CSMD3: variants seen among roughly 807,000 people sequenced by gnomAD.
The protein encoded by CSMD3 is CUB and sushi domain-containing protein 3.
A neutral mutation model predicts 435.2 loss-of-function variants in CSMD3; 177 were observed. The observed-to-expected ratio is 0.41, with a 90% CI of 0.36 to 0.46. CSMD3 has a LOEUF of 0.46. CSMD3 is among the 20% of genes least tolerant of loss of function. The probability of loss-of-function intolerance (pLI) is 0.34; values close to 1 mark genes in which losing one functional copy is unlikely to be tolerated. For missense variants in CSMD3, 4,265 were observed against 4,504.6 expected, an observed-to-expected ratio of 0.95 and a Z score of 1.52; for synonymous variants, 1,656 against 1,520.5, an observed-to-expected ratio of 1.09 and a Z score of -2.07.
At chr8:112,744,817 C>T (rs1444838209) in intron 13 of CSMD3, among the ~76,000 whole-genome samples, 1 of 152,022 alleles carries the variant, frequency 6.6e-6, no homozygotes, top group Non-Finnish European at 1.5e-5. Context: ...TAAGAGACAG[C>T]AATGGGCAAG....
intron 66 of CSMD3, 37 bp from the exon 67 acceptor site, chr8:112,237,385 C>T (rs778371516): frequency 1.4e-6 from 2 of 1,421,228 alleles, no homozygotes; most frequent in Non-Finnish European, 2.0e-6. Context: ...ATTAATTTTA[C>T]AATGCCATAT....
intron 3 of CSMD3, among the ~76,000 whole-genome samples, chr8:113,230,498 T>C (rs971986401): frequency 2.6e-5 from 4 of 151,624 alleles, no homozygotes; most frequent in African/African-American, 9.7e-5. Context: ...GTTTACATAC[T>C]TAGAGCCCAA....
intron 4 of CSMD3, among the ~76,000 whole-genome samples, chr8:113,164,261 AT>A (rs2092105379): frequency 6.6e-6 from 1 of 151,852 alleles, no homozygotes; most frequent in Admixed American, 6.6e-5. Context: ...CATATATCAT[AT>A]TTTTTGCTGC....
Position 112,685,470 on chromosome 8 carries a change from T to C in CSMD3, c.2418A>G (p.Ile806Met). The C allele has an allele frequency of 6.2e-7, 1 of 1,614,056 alleles. No individual in the cohort carries two copies. The highest frequency in any genetic ancestry group is 8.5e-7 in the Non-Finnish European group (1 of 1,179,974). Reference protein sequence around the residue: ...VPSHLTSNSHILRLEFQADHS... With the variant: ...VPSHLTSNSHMLRLEFQADHS... ...GGTCAGCCTGAAATTCCAATCGCAG[T>C]ATGTGACTATTACTAGTAAGATGGG... Residue 806 changes from isoleucine (I) to methionine (M), a missense_variant, in exon 15 of 71, where the codon ATA (isoleucine) becomes ATG (methionine). By Grantham distance (10) the Ile-to-Met change is conservative. Coordinates refer to ENST00000297405, the MANE Select transcript of CSMD3 (RefSeq NM_198123.2).
In CSMD3 at chr8:112,517,696, A is replaced by C. The variant is rs368201779; in HGVS notation, c.4565-471T>G. ...CTAACTAATAGAGAAATGCAAATTA[A>C]AACCACAATGAGATACTACTACATA... On this transcript the variant is annotated intron_variant, in intron 27 of 70. Transcript: ENST00000297405. Among the ~76,000 whole-genome samples the C allele has an allele frequency of 1.6e-4, 24 of 152,322 alleles. No homozygotes were observed. The East Asian group carries it at 4.2e-3, about 27-fold the overall frequency.
chr8:112,278,318 G>A (rs183663203), intron 59 of CSMD3, among the ~76,000 whole-genome samples: 1 of 152,298 alleles, frequency 6.6e-6, no homozygotes, highest in East Asian at 1.9e-4. Flanking sequence ...TGCTGATTTT[G>A]ATGCATTTTC....
chr8:113,237,436 C>T (rs1403676954), intron 3 of CSMD3, among the ~76,000 whole-genome samples: 1 of 152,156 alleles, frequency 6.6e-6, no homozygotes, highest in African/African-American at 2.4e-5. Context: ...AAATGAGTGA[C>T]TTTTGGCCAG....
At chr8:113,353,125 T>A (rs1156518617) in intron 1 of CSMD3, among the ~76,000 whole-genome samples, 1 of 152,046 alleles carries the variant, frequency 6.6e-6, no homozygotes, top group Non-Finnish European at 1.5e-5. Flanking sequence ...TGTGGCAGTA[T>A]CACTTGACAT....
chr8:113,244,662 C>T (rs2093256958), intron 3 of CSMD3, among the ~76,000 whole-genome samples: 1 of 151,988 alleles, frequency 6.6e-6, no homozygotes, highest in Admixed American at 6.6e-5. Context: ...CATTCTTTGC[C>T]ATGTGAATAT....
intron 32 of CSMD3, among the ~76,000 whole-genome samples, chr8:112,426,671 A>G (rs1490187154): frequency 6.6e-6 from 1 of 152,204 alleles, no homozygotes; most frequent in Admixed American, 6.5e-5. Context: ...GTTTGCTCAA[A>G]TACTTTTCCA....
At chr8:112,498,020 AGTGGGT>A (rs370608562) in intron 30 of CSMD3, among the ~76,000 whole-genome samples, 36 of 152,236 alleles carry the variant, frequency 2.4e-4, no homozygotes, top group African/African-American at 8.2e-4. Flanking sequence ...AGGTGAAGAC[AGTGGGT>A]GGGGAAGAAG....
intron 5 of CSMD3, among the ~76,000 whole-genome samples, chr8:113,074,928 C>T (rs1001655285): frequency 4.0e-5 from 6 of 151,702 alleles, no homozygotes; most frequent in African/African-American, 1.4e-4. Flanking sequence ...CGTATCCAGA[C>T]AATTCAAAAA....
chr8:112,824,194 G>A (rs11989161), intron 12 of CSMD3, among the ~76,000 whole-genome samples: 2,002 of 151,524 alleles, frequency 0.013, 45 homozygotes, highest in African/African-American at 0.046. Context: ...GCCTATTTGT[G>A]TCTTTGCACA....
At chr8:113,366,093 A>G (rs1055062167) in intron 1 of CSMD3, among the ~76,000 whole-genome samples, 1 of 152,064 alleles carries the variant, frequency 6.6e-6, no homozygotes, top group Non-Finnish European at 1.5e-5. Context: ...TGGGGGCAAG[A>G]ATACTCTAGG....
At chr8:112,657,426 C>A (rs2075283331) in intron 17 of CSMD3, among the ~76,000 whole-genome samples, 1 of 152,182 alleles carries the variant, frequency 6.6e-6, no homozygotes, top group South Asian at 2.1e-4. Context: ...AAAACCAAGT[C>A]TCCCTGACTC....
intron 4 of CSMD3, among the ~76,000 whole-genome samples, chr8:113,140,588 A>G (rs975496404): frequency 2.0e-5 from 3 of 151,204 alleles, no homozygotes; most frequent in South Asian, 2.1e-4. Flanking sequence ...ATCAAACCGG[A>G]TATCTATAAC....
chr8:112,726,600 GT>G (rs1406433959), intron 13 of CSMD3, among the ~76,000 whole-genome samples: 1 of 151,818 alleles, frequency 6.6e-6, no homozygotes, highest in Non-Finnish European at 1.5e-5. Context: ...ACCAGTGTTT[GT>G]TAAATTACAT....
At chr8:112,402,124 C>T (rs1157552999) in intron 35 of CSMD3, among the ~76,000 whole-genome samples, 2 of 152,132 alleles carry the variant, frequency 1.3e-5, no homozygotes, top group African/African-American at 4.8e-5. Flanking sequence ...GTCATTTAGC[C>T]ATAATGAACC....
At chr8:112,656,467 T>A (rs1013167271) in intron 17 of CSMD3, 126 bp from the exon 18 acceptor site, 13 of 623,364 alleles carry the variant, frequency 2.1e-5, no homozygotes, top group Non-Finnish European at 3.5e-5. Flanking sequence ...TTTCTTTAGC[T>A]TATCTAATAT....
Sources: gnomAD v4.1 joint callset for allele counts (sites outside exome capture counted in the v4.1 genomes callset) on GRCh38, gnomAD v4.1.1 for gene constraint, MANE v1.5 for transcripts, NCBI Gene and HGNC (gene_info 2026-07-23, HGNC 2026-07-21) for gene names.